TBCCD1: variants seen among roughly 807,000 people sequenced by gnomAD.
TBCCD1 encodes the protein TBCC domain containing 1, also known as TBCC domain-containing protein 1.
TBCCD1 carries 26 observed loss-of-function variants against 53.4 expected under a neutral mutation model. That is an observed-to-expected ratio of 0.49 (90% CI 0.36 to 0.68). The LOEUF (loss-of-function observed/expected upper bound fraction) is 0.68, where lower values mean the gene tolerates loss of function less well. Among genes scored for constraint, TBCCD1 ranks in the 30% least tolerant of loss-of-function variants. The probability of loss-of-function intolerance (pLI) is 0.00; values close to 1 mark genes in which losing one functional copy is unlikely to be tolerated. For missense variants in TBCCD1, 558 were observed against 669.5 expected, an observed-to-expected ratio of 0.83 and a Z score of 1.84; for synonymous variants, 245 against 241.7, an observed-to-expected ratio of 1.01 and a Z score of -0.13.
At position 186,556,541 on chromosome 3, in the gene TBCCD1, C is replaced by T. The variant is rs754290292; in HGVS notation, c.727G>A (p.Gly243Ser). 6 of 1,613,496 alleles carry T rather than the reference C, an allele frequency of 3.7e-6. No homozygotes were observed. The South Asian group carries it at 6.6e-5, about 18-fold the overall frequency. ...AAAGTCTTAGAGATCTTTGAGAAGC[C>T]ACTATCTGCATGCAGTGGTTGCCAC... ...ALWQPLHADS[G>S]FSKISKTFSF... The change falls in exon 4 of 8, where the codon GGC (glycine) becomes AGC (serine). Residue 243 changes from glycine (G) to serine (S), a missense_variant. Coordinates refer to ENST00000338733, the MANE Select transcript of TBCCD1 (RefSeq NM_018138.5).
chr3:186,561,142 T>G (rs972993190), intron 2 of TBCCD1, among the ~76,000 whole-genome samples: 3 of 152,186 alleles, frequency 2.0e-5, no homozygotes, highest in African/African-American at 7.2e-5. Flanking sequence ...AAAAAGCTTC[T>G]GCACAACTAA....
intron 1 of TBCCD1, 72 bp from the exon 2 acceptor site, chr3:186,564,444 C>A: frequency 2.0e-6 from 2 of 1,006,420 alleles, no homozygotes; most frequent in Non-Finnish European, 2.8e-6. Context: ...TGGAAGGTGA[C>A]CCCTCTCTCT....
chr3:186,559,153 A>T (rs774854903), intron 2 of TBCCD1, among the ~76,000 whole-genome samples: 9 of 152,220 alleles, frequency 5.9e-5, no homozygotes, highest in Non-Finnish European at 1.3e-4. Flanking sequence ...GATGTAGTAC[A>T]TACTTTAAGT....
chr3:186,554,185 T>G (rs540678982), intron 6 of TBCCD1, 69 bp downstream of exon 6: 15 of 1,584,860 alleles, frequency 9.5e-6, no homozygotes, highest in South Asian at 2.3e-5. Context: ...TGTAAAAATG[T>G]GCAGACTAAT....
chr3:186,559,143 G>A (rs1374790432), intron 2 of TBCCD1, among the ~76,000 whole-genome samples: 1 of 152,118 alleles, frequency 6.6e-6, no homozygotes, highest in Non-Finnish European at 1.5e-5. Context: ...CTGATGAAAG[G>A]ATGTAGTACA....
intron 3 of TBCCD1, 136 bp downstream of exon 3, chr3:186,558,281 A>C: frequency 2.6e-6 from 3 of 1,137,444 alleles, no homozygotes; most frequent in Non-Finnish European, 3.7e-6. Context: ...TATAATTTAA[A>C]AAAAAAGTGA....
At chr3:186,561,854 C>A (rs1396710017) in intron 2 of TBCCD1, among the ~76,000 whole-genome samples, 1 of 152,170 alleles carries the variant, frequency 6.6e-6, no homozygotes, top group Non-Finnish European at 1.5e-5. Flanking sequence ...ACCATACGAT[C>A]TAGCAATCCC....
Position 186,554,578 on chromosome 3 carries a change from A to G in TBCCD1, c.1220T>C (p.Ile407Thr), listed in dbSNP as rs763806199. 3 of 1,614,244 alleles carry G rather than the reference A, an allele frequency of 1.9e-6. No individual in the cohort carries two copies. The highest frequency in any genetic ancestry group is 1.1e-5 in the South Asian group (1 of 91,084). ...AGTTACTGTCTGGTTCCCAGAGAGA[A>G]TAAGTGGGCGTGTAGGCGTAAGAAC... is the stretch of plus-strand genomic sequence containing the variant. ...FHVLTPTRPL[I>T]LSGNQTVTFA... The change falls in exon 6 of 8, where the codon ATT becomes ACT. Residue 407 changes from isoleucine (I) to threonine (T), a missense_variant. Transcript: ENST00000338733.
chr3:186,551,431 C>A, intron 6 of TBCCD1, 152 bp from the exon 7 acceptor site: 1 of 735,070 alleles, frequency 1.4e-6, no homozygotes, highest in Non-Finnish European at 2.2e-6. Context: ...GTACACTGGA[C>A]ACCCCCACCC....
At position 186,546,093 on chromosome 3, in the gene TBCCD1, T is replaced by C. The variant is rs528581980; in HGVS notation, c.*884A>G. 1 of 152,314 alleles carries C rather than the reference T, an allele frequency of 6.6e-6. No individual in the cohort carries two copies. The highest frequency in any genetic ancestry group is 2.1e-4 in the South Asian group (1 of 4,828). 9.4% of individuals were successfully genotyped at this position (152,314 alleles called of 1,614,324 possible). ...TCTTTAGAGTTTGTTTATTGAAAAT[T>C]TGAAGCAGGAAGTGAAAAATAAAGA... On this transcript the variant is annotated 3_prime_UTR_variant, in exon 8 of 8. Coordinates refer to ENST00000338733, the MANE Select transcript of TBCCD1 (RefSeq NM_018138.5).
At chr3:186,565,358 C>T (rs996670319) in intron 1 of TBCCD1, among the ~76,000 whole-genome samples, 1 of 152,080 alleles carries the variant, frequency 6.6e-6, no homozygotes, top group Admixed American at 6.6e-5. Context: ...TGATCCCTCG[C>T]CTCAGCTTCC....
At chr3:186,555,345 T>C (rs1714507079) in intron 4 of TBCCD1, among the ~76,000 whole-genome samples, 1 of 152,216 alleles carries the variant, frequency 6.6e-6, no homozygotes, top group South Asian at 2.1e-4. Flanking sequence ...AAGTCTAAGA[T>C]ACTTTTTCGT....
intron 7 of TBCCD1, 105 bp downstream of exon 7, chr3:186,551,024 G>C: frequency 8.3e-7 from 1 of 1,202,374 alleles, no homozygotes; most frequent in Non-Finnish European, 1.1e-6. Flanking sequence ...TGGTAGGAGC[G>C]GTAGAAAAAA....
intron 3 of TBCCD1, among the ~76,000 whole-genome samples, chr3:186,558,151 G>C (rs542883734): frequency 6.6e-6 from 1 of 152,208 alleles, no homozygotes; most frequent in East Asian, 1.9e-4. Context: ...TGTTGAAAAC[G>C]GCAGTGCTAA....
In TBCCD1 at chr3:186,556,601, C is replaced by T. The variant is rs772306396; in HGVS notation, c.667G>A (p.Ala223Thr). The T allele has an allele frequency of 6.2e-7, 1 of 1,614,168 alleles. No homozygotes were observed. The change falls in exon 4 of 8, where the codon GCC becomes ACC. Residue 223 changes from alanine to threonine, a missense_variant. Physicochemically the swap from Ala to Thr is moderately conservative, Grantham distance 58. Coordinates refer to ENST00000338733, the MANE Select transcript of TBCCD1 (RefSeq NM_018138.5). ...TCATGAAGTGGATAGATCTTCCTGG[C>T]TCTACTTATTGTACCTTCAATAAGG... is the stretch of plus-strand genomic sequence containing the variant. ...SFLIEGTISR[A>T]RKIYPLHELA...
chr3:186,551,050 T>C (rs1714358100), intron 7 of TBCCD1, 79 bp downstream of exon 7: 4 of 1,485,074 alleles, frequency 2.7e-6, no homozygotes, highest in Non-Finnish European at 2.7e-6. Context: ...GCATGTTTAG[T>C]ATATAATATT....
chr3:186,570,403 C>A (rs554743365), upstream of TBCCD1: 1 of 480,032 alleles, frequency 2.1e-6, no homozygotes, highest in East Asian at 3.3e-5. Flanking sequence ...GGTGGAAAGT[C>A]CGAGGAAGTG....
chr3:186,565,639 C>T (rs1427162098), intron 1 of TBCCD1, among the ~76,000 whole-genome samples: 4 of 152,094 alleles, frequency 2.6e-5, no homozygotes, highest in Non-Finnish European at 4.4e-5. Flanking sequence ...GTAATGGGTA[C>T]GTGGGGGGCT....
intron 3 of TBCCD1, among the ~76,000 whole-genome samples, chr3:186,557,900 G>A (rs1714586605): frequency 6.6e-6 from 1 of 151,944 alleles, no homozygotes; most frequent in Non-Finnish European, 1.5e-5. Context: ...ACTTACACAA[G>A]AACAAGTAAA....
Sources: allele counts gnomAD v4.1 joint callset (sites outside exome capture counted in the v4.1 genomes callset), GRCh38; gene constraint gnomAD v4.1.1; transcripts MANE v1.5; gene names NCBI Gene and HGNC (gene_info 2026-07-23, HGNC 2026-07-21).